The following RTKN2 variants were observed in gnomAD, a reference collection of about 807,000 sequenced individuals.
The protein encoded by RTKN2 is rhotekin-2.
In RTKN2, 69 loss-of-function variants were observed where a neutral mutation model predicts 71.5. The observed-to-expected ratio is 0.96, with a 90% CI of 0.79 to 1.18. RTKN2 has a LOEUF of 1.18. Among genes scored for constraint, RTKN2 ranks in the 50% most tolerant of loss-of-function variants. RTKN2 has a pLI of 0.00. For missense variants in RTKN2, 724 were observed against 719.7 expected, an observed-to-expected ratio of 1.01 and a Z score of -0.07; for synonymous variants, 236 against 236.5, an observed-to-expected ratio of 1.00 and a Z score of 0.02.
chr10:62,254,817 A>G (rs1417081784), intron 2 of RTKN2, among the ~76,000 whole-genome samples: 1 of 151,746 alleles, frequency 6.6e-6, no homozygotes, highest in African/African-American at 2.4e-5. Context: ...AAAAATAAAT[A>G]AGTTAGCTGG....
In RTKN2 at chr10:62,268,706, G is replaced by C; in HGVS notation, c.-96C>G. 7.6e-7 allele frequency: 1 copy of C among 1,313,366 alleles called. No homozygotes were observed. Among genetic ancestry groups the C allele is most frequent in the Non-Finnish European group, 1.1e-6 (1 of 951,636 alleles). The allele number at this position is 1,313,366 out of a possible 1,614,324, so 81.4% of individuals were successfully genotyped here. The stretch of plus-strand genomic sequence containing the variant: ...GAGCCGCAGAGGACGCCAACCGCCC[G>C]GCCGTACCAAGTCCCAGTCGCAGGG... On this transcript the variant is annotated 5_prime_UTR_variant, in exon 1 of 12. Coordinates refer to ENST00000373789, the MANE Select transcript of RTKN2 (RefSeq NM_145307.4).
intron 2 of RTKN2, among the ~76,000 whole-genome samples, chr10:62,253,064 C>T: frequency 6.6e-6 from 1 of 152,026 alleles, no homozygotes; most frequent in Non-Finnish European, 1.5e-5. Flanking sequence ...AAAAGGATTT[C>T]CAGATTGGCT....
downstream of RTKN2, among the ~76,000 whole-genome samples, chr10:62,190,198 T>C (rs995113932): frequency 6.6e-6 from 1 of 152,110 alleles, no homozygotes; most frequent in African/African-American, 2.4e-5. Context: ...AGTGACCACA[T>C]TATTGGGGAA....
rs550165026 is a variant in RTKN2 at position 62,212,502 on chromosome 10, A to C, written c.1020+4616T>G. Among the ~76,000 whole-genome samples the C allele has an allele frequency of 8.5e-5, 13 of 152,240 alleles. No individual in the cohort carries two copies. The East Asian group carries it at 2.3e-3, about 27-fold the overall frequency. On this transcript the variant is annotated intron_variant, in intron 9 of 11. Coordinates refer to ENST00000373789, the MANE Select transcript of RTKN2 (RefSeq NM_145307.4). ...AGAATTGCTTGAGCCGAGGAGTTTG[A>C]GACCAGCCTGGGTAACATGGTGAAA...
rs1202920652 is a variant in RTKN2, at chr10:62,236,083, G to A, written c.669C>T (p.Leu223=). ...AAACTTACAAAACAGCAGAGCTGAG[G>A]AGCAAGCACATTTCATCATCCTCTT... ...LQEEDDEMCL[L]LSSAVFGVKY... is the part of the protein sequence containing the mutation. The change falls in exon 6 of 12, where the codon CTC becomes CTT. Residue 223 remains leucine, a synonymous_variant. Transcript: ENST00000373789. 1.2e-6 allele frequency: 2 copies of A among 1,611,566 alleles called. No homozygotes were observed. The highest frequency in any genetic ancestry group is 1.7e-6 in the Non-Finnish European group (2 of 1,178,372).
At chr10:62,237,333 A>G (rs1464720351) in intron 5 of RTKN2, among the ~76,000 whole-genome samples, 3 of 152,000 alleles carry the variant, frequency 2.0e-5, no homozygotes, top group Non-Finnish European at 4.4e-5. Context: ...GGGAAAAAAA[A>G]TAAGAATTTG....
At chr10:62,227,024 G>A (rs930108824) in intron 6 of RTKN2, among the ~76,000 whole-genome samples, 1 of 152,152 alleles carries the variant, frequency 6.6e-6, no homozygotes, top group East Asian at 1.9e-4. Flanking sequence ...TTAAAATAAT[G>A]GGAAGTAGAC....
At chr10:62,192,537 CA>C (rs1216755594), downstream of RTKN2, among the ~76,000 whole-genome samples, 1 of 152,168 alleles carries the variant, frequency 6.6e-6, no homozygotes, top group Non-Finnish European at 1.5e-5. Context: ...TGGAATTACT[CA>C]AAAGGGAAAT....
intron 9 of RTKN2, among the ~76,000 whole-genome samples, chr10:62,210,265 T>C (rs1005465905): frequency 2.9e-4 from 44 of 152,180 alleles, no homozygotes; most frequent in African/African-American, 1.0e-3. Context: ...TGACAACTTA[T>C]ATATAAAACC....
At chr10:62,259,589 T>C (rs1842736221) in intron 2 of RTKN2, among the ~76,000 whole-genome samples, 1 of 152,182 alleles carries the variant, frequency 6.6e-6, no homozygotes, top group South Asian at 2.1e-4. Flanking sequence ...TCTCACTCTT[T>C]TGCGCTGGCT....
chr10:62,226,666 A>G (rs1343220292), intron 6 of RTKN2, among the ~76,000 whole-genome samples: 1 of 152,272 alleles, frequency 6.6e-6, no homozygotes, highest in African/African-American at 2.4e-5. Flanking sequence ...GAGAGGGACA[A>G]GTGGCCATTC....
intron 8 of RTKN2, among the ~76,000 whole-genome samples, chr10:62,184,655 C>T (rs1009483754): frequency 3.3e-5 from 5 of 152,168 alleles, no homozygotes; most frequent in East Asian, 1.9e-4. Flanking sequence ...GCATGGCTTC[C>T]GCCTACAGAA....
chr10:62,244,302 C>A (rs985453315), intron 3 of RTKN2, among the ~76,000 whole-genome samples: 5 of 152,106 alleles, frequency 3.3e-5, no homozygotes, highest in African/African-American at 1.2e-4. Flanking sequence ...CTCAGAGTTT[C>A]CGTTCCTTAA....
intron 5 of RTKN2, chr10:62,238,240 A>G (rs1171429689): frequency 6.6e-6 from 1 of 152,026 alleles, no homozygotes; most frequent in East Asian, 1.9e-4. Flanking sequence ...TTAGAGAAAA[A>G]CCAGAGATTC....
chr10:62,268,570 G>T lies in RTKN2; in HGVS notation c.41C>A (p.Ala14Glu), dbSNP rs766672633. The T allele has an allele frequency of 7.7e-6, 12 of 1,564,994 alleles. No homozygotes were observed. The highest frequency in any genetic ancestry group is 1.0e-5 in the Non-Finnish European group (12 of 1,154,686). ...ACTCACCTGCTGGGTGGGAAGCCCC[G>T]CCAGGCGGAGCGCAGGACCCCTCAG... The part of the protein sequence containing the change: ...PSLRGPALRL[A>E]GLPTQQDCNI... The change falls in exon 1 of 12, where the codon GCG becomes GAG. Residue 14 changes from alanine (A) to glutamate (E), a missense_variant. Coordinates refer to ENST00000373789, the MANE Select transcript of RTKN2 (RefSeq NM_145307.4).
At position 62,198,200 on chromosome 10, in the gene RTKN2, G is replaced by T; in HGVS notation, c.1538C>A (p.Pro513Gln). 6.2e-7 allele frequency: 1 copy of T among 1,614,022 alleles called. No individual in the cohort carries two copies. The highest frequency in any genetic ancestry group is 1.1e-5 in the South Asian group (1 of 91,070). The change falls in exon 12 of 12, where the codon CCA becomes CAA. Residue 513 changes from proline (P) to glutamine (Q), a missense_variant. Physicochemically the swap from Pro to Gln is moderately conservative, Grantham distance 76. Coordinates refer to ENST00000373789, the MANE Select transcript of RTKN2 (RefSeq NM_145307.4). ...GTTACTCTGTGATTTTAAGCTGAAT[G>T]GAAGTTTATCAGAAGGAGGAAGGGG... ...QAPLPPSDKL[P>Q]FSLKSQSNTD...
rs1378461214 is a variant in RTKN2, at chr10:62,197,377, G to C, written c.*531C>G. 1.0e-6 allele frequency: 1 copy of C among 985,284 alleles called. No homozygotes were observed. Among genetic ancestry groups the C allele is most frequent in the Non-Finnish European group, 1.2e-6 (1 of 829,604 alleles). 61.0% of individuals were successfully genotyped at this position (985,284 alleles called of 1,614,324 possible). ...TTATCCCAGGAATTTAAAAGGTCAG[G>C]CCTATAAACTAGTGAGTTAAACAAT... On this transcript the variant is annotated 3_prime_UTR_variant, in exon 12 of 12. Transcript: ENST00000373789.
At chr10:62,185,981 G>A (rs1435818491) in intron 8 of RTKN2, among the ~76,000 whole-genome samples, 1 of 151,954 alleles carries the variant, frequency 6.6e-6, no homozygotes, top group Admixed American at 6.6e-5. Flanking sequence ...CATTTTACAG[G>A]GCCTGGGCCT....
At chr10:62,261,105 C>T (rs1842764580) in intron 2 of RTKN2, among the ~76,000 whole-genome samples, 1 of 152,194 alleles carries the variant, frequency 6.6e-6, no homozygotes, top group Non-Finnish European at 1.5e-5. Context: ...AAGTTACCAA[C>T]TTTGAGAAGC....
Sources: allele counts gnomAD v4.1 joint callset (sites outside exome capture counted in the v4.1 genomes callset), GRCh38; gene constraint gnomAD v4.1.1; transcripts MANE v1.5; gene names NCBI Gene and HGNC (gene_info 2026-07-23, HGNC 2026-07-21).